SLC27A2: variants seen among roughly 807,000 people sequenced by gnomAD.
SLC27A2 encodes long-chain fatty acid transport protein 2.
SLC27A2 carries 54 observed loss-of-function variants against 60.0 expected under a neutral mutation model. That is an observed-to-expected ratio of 0.90 (90% CI 0.72 to 1.13). The LOEUF is 1.13. SLC27A2 is among the 50% of genes most tolerant of loss of function. SLC27A2 has a pLI of 0.00. For missense variants in SLC27A2, 739 were observed against 777.6 expected, an observed-to-expected ratio of 0.95 and a Z score of 0.59; for synonymous variants, 297 against 297.6, an observed-to-expected ratio of 1.00 and a Z score of 0.02.
chr15:50,214,610 A>G (rs568522851), intron 4 of SLC27A2, among the ~76,000 whole-genome samples: 139 of 152,280 alleles, frequency 9.1e-4, no homozygotes, highest in African/African-American at 3.3e-3. Context: ...TATCAAAAAG[A>G]TAATCCACCA....
chr15:50,190,506 G>A (rs1442822311), intron 1 of SLC27A2, among the ~76,000 whole-genome samples: 1 of 151,990 alleles, frequency 6.6e-6, no homozygotes, highest in Admixed American at 6.6e-5. Context: ...TGCAGGTTTA[G>A]CCTGAGCACC....
At chr15:50,226,423 T>C (rs1270431798) in intron 6 of SLC27A2, among the ~76,000 whole-genome samples, 4 of 152,140 alleles carry the variant, frequency 2.6e-5, no homozygotes, top group African/African-American at 9.7e-5. Context: ...CATTATTCAG[T>C]AAAAAATTAG....
intron 1 of SLC27A2, among the ~76,000 whole-genome samples, chr15:50,183,598 T>C (rs903264373): frequency 2.0e-5 from 3 of 152,176 alleles, no homozygotes; most frequent in East Asian, 1.9e-4. Flanking sequence ...TCCTGCCACA[T>C]TTCAGCCAGA....
intron 1 of SLC27A2, among the ~76,000 whole-genome samples, chr15:50,197,079 G>A (rs2045029194): frequency 6.6e-6 from 1 of 152,112 alleles, no homozygotes; most frequent in Admixed American, 6.5e-5. Flanking sequence ...GTTTGCACTT[G>A]CCACAAGAAG....
intron 4 of SLC27A2, among the ~76,000 whole-genome samples, chr15:50,212,072 A>G (rs1355786672): frequency 6.8e-6 from 1 of 147,020 alleles, no homozygotes; most frequent in African/African-American, 2.5e-5. Flanking sequence ...CTCTGTCTCA[A>G]AAAAAAAAAA....
At position 50,202,564 on chromosome 15, in the gene SLC27A2, G is replaced by A. The variant is rs777208194; in HGVS notation, c.766G>A (p.Ala256Thr). The A allele has an allele frequency of 2.1e-5, 34 of 1,614,000 alleles. No homozygotes were observed. The highest frequency in any genetic ancestry group is 2.6e-5 in the Non-Finnish European group (31 of 1,179,986). ...TGLTFVSGLKADDVIYITLPF... is the reference protein window; with the variant it reads ...TGLTFVSGLKTDDVIYITLPF... ...CCTCACTTTTGTAAGCGGATTGAAG[G>A]CAGATGATGTCATCTATATCACTCT... The change falls in exon 3 of 10, where the codon GCA (alanine) becomes ACA (threonine). Residue 256 changes from alanine to threonine, a missense_variant. Transcript: ENST00000267842.
At chr15:50,214,812 C>A (rs1449607433) in intron 4 of SLC27A2, among the ~76,000 whole-genome samples, 1 of 152,052 alleles carries the variant, frequency 6.6e-6, no homozygotes, top group Non-Finnish European at 1.5e-5. Context: ...AAGGGACATA[C>A]CTTAAAGTAA....
chr15:50,195,810 C>G (rs986926025), intron 1 of SLC27A2, among the ~76,000 whole-genome samples: 1 of 151,300 alleles, frequency 6.6e-6, no homozygotes, highest in Non-Finnish European at 1.5e-5. Flanking sequence ...CTACCCAGCA[C>G]TTTGGGAGGC....
intron 1 of SLC27A2, 116 bp downstream of exon 1, chr15:50,183,021 T>C (rs1409013847): frequency 3.8e-6 from 4 of 1,052,760 alleles, no homozygotes; most frequent in East Asian, 2.4e-5. Context: ...ACTGTAGGTA[T>C]AGAAAAAGGT....
Position 50,233,888 on chromosome 15 carries a change from A to G in SLC27A2, c.1576A>G (p.Met526Val), listed in dbSNP as rs1390883142. 2 of 1,613,738 alleles carry G rather than the reference A, an allele frequency of 1.2e-6. No homozygotes were observed. Among genetic ancestry groups the G allele is most frequent in the African/African-American group, 1.3e-5 (1 of 74,908 alleles). Residue 526 changes from methionine to valine, a missense_variant, in exon 9 of 10, where the codon ATG (methionine) becomes GTG (valine). Coordinates refer to ENST00000267842, the MANE Select transcript of SLC27A2 (RefSeq NM_003645.4). Reference sequence around the variant, plus strand: ...TCTAGATCATGAGGGTCGCATTGGCATGGCCTCCATCAAAATGAAAGAAAA... The same window carrying G: ...TCTAGATCATGAGGGTCGCATTGGCGTGGCCTCCATCAAAATGAAAGAAAA... Reference protein sequence around the residue: ...HVPDHEGRIGMASIKMKENHE... With the variant: ...HVPDHEGRIGVASIKMKENHE...
intron 4 of SLC27A2, among the ~76,000 whole-genome samples, chr15:50,218,949 T>G (rs200142060): frequency 6.6e-6 from 1 of 152,162 alleles, no homozygotes; most frequent in Non-Finnish European, 1.5e-5. Flanking sequence ...TTAGAGGCTG[T>G]TGGAGGATAA....
At chr15:50,217,257 TAAATA>T (rs1221021413) in intron 4 of SLC27A2, among the ~76,000 whole-genome samples, 1 of 151,868 alleles carries the variant, frequency 6.6e-6, no homozygotes, top group Non-Finnish European at 1.5e-5. Flanking sequence ...AAAATAAAAA[TAAATA>T]AATAAAATCT....
At chr15:50,205,402 T>C (rs745342830) in intron 4 of SLC27A2, 39 bp downstream of exon 4, 1 of 1,573,984 alleles carries the variant, frequency 6.4e-7, no homozygotes, top group Non-Finnish European at 8.7e-7. Context: ...TTGAAATGGG[T>C]AAGATGGAAA....
At chr15:50,217,601 C>T (rs1177961619) in intron 4 of SLC27A2, among the ~76,000 whole-genome samples, 1 of 152,150 alleles carries the variant, frequency 6.6e-6, no homozygotes, top group Non-Finnish European at 1.5e-5. Flanking sequence ...ACCAGCAGTG[C>T]AGCCCAGCTA....
chr15:50,209,515 G>C (rs776452035), intron 4 of SLC27A2, among the ~76,000 whole-genome samples: 11 of 152,148 alleles, frequency 7.2e-5, no homozygotes, highest in Non-Finnish European at 1.3e-4. Flanking sequence ...CAGCACACTG[G>C]GAACTGCAAG....
At chr15:50,225,520 C>G (rs2140912397) in intron 5 of SLC27A2, among the ~76,000 whole-genome samples, 1 of 152,174 alleles carries the variant, frequency 6.6e-6, no homozygotes, top group Non-Finnish European at 1.5e-5. Context: ...GATACATCCA[C>G]CAAAAGACAC....
intron 3 of SLC27A2, among the ~76,000 whole-genome samples, chr15:50,203,406 C>T (rs900045830): frequency 1.3e-5 from 2 of 152,092 alleles, no homozygotes; most frequent in Non-Finnish European, 2.9e-5. Flanking sequence ...CTTGCCATCT[C>T]TTCTGTTTCC....
chr15:50,228,563 T>C (rs1356119467), intron 7 of SLC27A2, among the ~76,000 whole-genome samples: 1 of 152,012 alleles, frequency 6.6e-6, no homozygotes, highest in Non-Finnish European at 1.5e-5. Flanking sequence ...AAAAAGAACT[T>C]CAGAAACTGA....
In SLC27A2 at chr15:50,182,644, C is replaced by T. The variant is rs2044869890; in HGVS notation, c.217C>T (p.Leu73Phe). 2 of 1,613,908 alleles carry T rather than the reference C, an allele frequency of 1.2e-6. No individual in the cohort carries two copies. The change falls in exon 1 of 10, where the codon CTC becomes TTC. Residue 73 changes from leucine (L) to phenylalanine (F), a missense_variant. By Grantham distance (22) the Leu-to-Phe change is conservative (BLOSUM62 0). Coordinates refer to ENST00000267842, the MANE Select transcript of SLC27A2 (RefSeq NM_003645.4). Reference protein sequence around the residue: ...ARQTPHKPFLLFRDETLTYAQ... With the variant: ...ARQTPHKPFLFFRDETLTYAQ... Reference sequence around the variant, plus strand: ...CCAGACGCCACACAAGCCTTTTCTGCTCTTCCGCGACGAGACTCTCACCTA... The same window carrying T: ...CCAGACGCCACACAAGCCTTTTCTGTTCTTCCGCGACGAGACTCTCACCTA...
Sources: gnomAD v4.1 joint callset for allele counts (sites outside exome capture counted in the v4.1 genomes callset) on GRCh38, gnomAD v4.1.1 for gene constraint, MANE v1.5 for transcripts, NCBI Gene and HGNC (gene_info 2026-07-23, HGNC 2026-07-21) for gene names.